The following DNAH7 variants were observed in gnomAD, a reference collection of about 807,000 sequenced individuals.
The protein encoded by DNAH7 is dynein axonemal heavy chain 7, also known as axonemal beta dynein heavy chain 7.
DNAH7 carries 397 observed loss-of-function variants against 444.6 expected under a neutral mutation model. That is an observed-to-expected ratio of 0.89 (90% CI 0.82 to 0.97). DNAH7 has a LOEUF of 0.97. DNAH7 is among the 50% of genes least tolerant of loss of function. DNAH7 has a pLI of 0.00. For missense variants in DNAH7, 4,902 were observed against 4,800.8 expected (o/e 1.02, Z -0.62); for synonymous variants, 1,636 against 1,624.4 (o/e 1.01, Z -0.17).
chr2:195,874,603 A>AC (rs1035182432), intron 38 of DNAH7, among the ~76,000 whole-genome samples: 5 of 151,460 alleles, frequency 3.3e-5, no homozygotes, highest in African/African-American at 9.7e-5. Flanking sequence ...TTTTATTTAA[A>AC]AAAAAAAAAA....
At chr2:196,065,381 G>A (rs1698373817) in intron 1 of DNAH7, among the ~76,000 whole-genome samples, 1 of 152,116 alleles carries the variant, frequency 6.6e-6, no homozygotes, top group Admixed American at 6.5e-5. Context: ...ATTCATCATA[G>A]GAACTCAACA....
intron 15 of DNAH7, among the ~76,000 whole-genome samples, chr2:195,981,472 T>G (rs1027857895): frequency 6.6e-6 from 1 of 151,982 alleles, no homozygotes; most frequent in African/African-American, 2.4e-5. Context: ...AACTTAAAAT[T>G]TATACGAAAC....
intron 27 of DNAH7, chr2:195,901,204 T>C (rs1484914992): frequency 6.6e-6 from 1 of 152,058 alleles, no homozygotes; most frequent in East Asian, 1.9e-4. Flanking sequence ...GTAAGTTGAT[T>C]GGCTTGATTA....
chr2:195,873,074 C>T (rs1053507115), intron 39 of DNAH7, among the ~76,000 whole-genome samples: 9 of 152,158 alleles, frequency 5.9e-5, no homozygotes, highest in Non-Finnish European at 7.4e-5. Flanking sequence ...ACTCCATCAT[C>T]ACTGGATAAG....
chr2:195,995,383 C>G, intron 12 of DNAH7: 1 of 512,858 alleles, frequency 1.9e-6, no homozygotes, highest in East Asian at 5.5e-5. Flanking sequence ...GTGAGCACAC[C>G]AAGGGATGTA....
chr2:196,066,852 A>G (rs1036896386), intron 1 of DNAH7, among the ~76,000 whole-genome samples: 1 of 152,230 alleles, frequency 6.6e-6, no homozygotes, highest in Non-Finnish European at 1.5e-5. Context: ...AGTTTAATCC[A>G]TTCTGTTTGT....
intron 10 of DNAH7, among the ~76,000 whole-genome samples, chr2:196,010,469 T>A (rs1183163463): frequency 6.6e-6 from 1 of 152,180 alleles, no homozygotes; most frequent in Non-Finnish European, 1.5e-5. Flanking sequence ...TTTCATACAC[T>A]GTTGGGAACA....
At chr2:195,999,361 G>T (rs1693902224) in intron 12 of DNAH7, 1 of 622,058 alleles carries the variant, frequency 1.6e-6, no homozygotes, top group East Asian at 2.7e-5. Context: ...CATTAAGCAA[G>T]AATTCAGCTA....
chr2:195,792,289 T>C (rs963578353), intron 57 of DNAH7, among the ~76,000 whole-genome samples: 5 of 150,856 alleles, frequency 3.3e-5, no homozygotes, highest in African/African-American at 9.7e-5. Flanking sequence ...GACAGGATCA[T>C]TCATATCCCA....
intron 27 of DNAH7, chr2:195,903,164 G>C (rs1210202731): frequency 1.3e-5 from 2 of 152,100 alleles, no homozygotes. Flanking sequence ...TCTATTGGTG[G>C]AGGAAGGGGG....
chr2:195,778,104 C>G (rs1403583878), intron 58 of DNAH7, 119 bp from the exon 59 acceptor site: 2 of 897,056 alleles, frequency 2.2e-6, no homozygotes, highest in Non-Finnish European at 3.1e-6. Flanking sequence ...AACACAACTT[C>G]CCTTCGTATG....
intron 2 of DNAH7, among the ~76,000 whole-genome samples, chr2:196,053,373 AC>A (rs1559373367): frequency 6.6e-6 from 1 of 152,226 alleles, no homozygotes; most frequent in Non-Finnish European, 1.5e-5. Context: ...CTCAGTTTAC[AC>A]CTTTAGTCTC....
chr2:195,993,929 G>A (rs988991147), intron 12 of DNAH7, among the ~76,000 whole-genome samples: 16 of 152,094 alleles, frequency 1.1e-4, no homozygotes, highest in African/African-American at 2.4e-4. Flanking sequence ...AAGCCAATCC[G>A]GGAAGAAGGA....
intron 47 of DNAH7, among the ~76,000 whole-genome samples, chr2:195,844,552 C>T (rs1250488762): frequency 6.6e-6 from 1 of 152,164 alleles, no homozygotes; most frequent in Non-Finnish European, 1.5e-5. Context: ...GGCTACTATT[C>T]CCTATCAGTG....
chr2:195,841,628 G>A (rs1240473709), intron 47 of DNAH7, among the ~76,000 whole-genome samples: 2 of 151,806 alleles, frequency 1.3e-5, no homozygotes, highest in Non-Finnish European at 3.0e-5. Flanking sequence ...AATTCAAAAC[G>A]AACAAGCACT....
intron 60 of DNAH7, 30 bp from the exon 61 acceptor site, chr2:195,771,920 A>G (rs1574407051): frequency 6.3e-7 from 1 of 1,596,096 alleles, no homozygotes; most frequent in Non-Finnish European, 8.6e-7. Flanking sequence ...TAACTCAAAA[A>G]TCCTCATAAA....
chr2:195,960,601 G>C lies in DNAH7; in HGVS notation c.2550C>G (p.Arg850=). Residue 850 remains arginine (R), a synonymous_variant, in exon 18 of 65, where the codon CGC becomes CGG. Transcript: ENST00000312428. ...CAGACATGGCCTCCCAGTGCCTGGG[G>C]CGCAAACCAGGATTACAGATCACTT... ...LIQVICNPGL[R]PRHWEAMSAI... is the part of the protein sequence containing the mutation. 1 of 1,614,218 alleles carries C rather than the reference G, an allele frequency of 6.2e-7. No individual in the cohort carries two copies. The highest frequency in any genetic ancestry group is 8.5e-7 in the Non-Finnish European group (1 of 1,180,042).
intron 8 of DNAH7, 68 bp from the exon 9 acceptor site, chr2:196,019,363 G>A: frequency 1.6e-6 from 2 of 1,241,194 alleles, no homozygotes; most frequent in Non-Finnish European, 2.1e-6. Flanking sequence ...GTACATTTTG[G>A]GTAATAATTA....
At chr2:195,738,553 C>A (rs1295647561) in intron 64 of DNAH7, among the ~76,000 whole-genome samples, 1 of 152,092 alleles carries the variant, frequency 6.6e-6, no homozygotes, top group South Asian at 2.1e-4. Flanking sequence ...AGAGAACCTT[C>A]CCATTTTAGG....
Sources: allele counts gnomAD v4.1 joint callset (sites outside exome capture counted in the v4.1 genomes callset), GRCh38; gene constraint gnomAD v4.1.1; transcripts MANE v1.5; gene names NCBI Gene and HGNC (gene_info 2026-07-23, HGNC 2026-07-21).